APBB1IP: variants seen among roughly 807,000 people sequenced by gnomAD.
APBB1IP encodes amyloid beta precursor protein binding family B member 1 interacting protein.
In APBB1IP, 27 loss-of-function variants were observed where a neutral mutation model predicts 64.9. That is an observed-to-expected ratio of 0.42 (90% CI 0.31 to 0.57). APBB1IP has a LOEUF of 0.57. Ranked by LOEUF, APBB1IP falls within the 20% of genes least tolerant of loss-of-function variation. The probability of loss-of-function intolerance (pLI) is 0.20; values close to 1 mark genes in which losing one functional copy is unlikely to be tolerated. For synonymous variants in APBB1IP, 392 were observed against 331.0 expected (o/e 1.18, Z -2.00); for missense variants, 812 against 845.5 (o/e 0.96, Z 0.49).
At chr10:26,483,092 T>TAAAAAAAA (rs35069320) in intron 2 of APBB1IP, among the ~76,000 whole-genome samples, 1 of 67,140 alleles carries the variant, frequency 1.5e-5, no homozygotes, top group Non-Finnish European at 2.7e-5. Context: ...CTCCATCTGA[T>TAAAAAAAA]AAAAAAAAAA....
At chr10:26,562,161 G>A (rs1836981183) in intron 13 of APBB1IP, 165 bp from the exon 14 acceptor site, 4 of 566,152 alleles carry the variant, frequency 7.1e-6, no homozygotes, top group South Asian at 1.9e-5. Flanking sequence ...ATGCCTGTGA[G>A]TTGCTCTCTT....
At position 26,511,735 on chromosome 10, in the gene APBB1IP, TTC is replaced by T; in HGVS notation, c.532-10_532-9del. 1 of 1,613,972 alleles carries T rather than the reference TTC, an allele frequency of 6.2e-7. No homozygotes were observed. Among genetic ancestry groups the T allele is most frequent in the Non-Finnish European group, 8.5e-7 (1 of 1,179,876 alleles). ...CTGAAATTTACTGGCTGCCCCATGGTTCTATCCTCAGCTCGTCGTCAAGGTGC... is the reference window on the plus strand; with the variant it reads ...CTGAAATTTACTGGCTGCCCCATGGTTATCCTCAGCTCGTCGTCAAGGTGC... On this transcript the variant is annotated splice_polypyrimidine_tract_variant and intron_variant, in intron 6 of 14. Coordinates refer to ENST00000376236, the MANE Select transcript of APBB1IP (RefSeq NM_019043.4).
chr10:26,535,181 TA>T (rs1475177104), intron 9 of APBB1IP, among the ~76,000 whole-genome samples: 1 of 152,170 alleles, frequency 6.6e-6, no homozygotes, highest in East Asian at 1.9e-4. Flanking sequence ...TTTTGAGATT[TA>T]AAAATCTACA....
chr10:26,545,587 C>T (rs1378882202), intron 11 of APBB1IP, among the ~76,000 whole-genome samples: 2 of 151,974 alleles, frequency 1.3e-5, no homozygotes, highest in Non-Finnish European at 2.9e-5. Context: ...GGTGAAACCC[C>T]GTCTCTACTA....
At chr10:26,452,515 TGTAGTTATCTAACTA>T (rs1462276584) in intron 2 of APBB1IP, among the ~76,000 whole-genome samples, 1 of 152,204 alleles carries the variant, frequency 6.6e-6, no homozygotes, top group Non-Finnish European at 1.5e-5. Context: ...CAGAAGACAA[TGTAGTTATCTAACTA>T]TCTAATTTCT....
chr10:26,522,049 C>A (rs946951436), intron 8 of APBB1IP, among the ~76,000 whole-genome samples: 1 of 152,172 alleles, frequency 6.6e-6, no homozygotes, highest in Non-Finnish European at 1.5e-5. Context: ...CTGCACCCAG[C>A]CTACAAGTTT....
intron 2 of APBB1IP, among the ~76,000 whole-genome samples, chr10:26,472,021 TG>T (rs955351906): frequency 9.9e-5 from 15 of 152,090 alleles, no homozygotes; most frequent in African/African-American, 3.6e-4. Flanking sequence ...CAGACTTGAC[TG>T]GGATTTTTAC....
chr10:26,440,001 A>C (rs1160878369), intron 2 of APBB1IP, among the ~76,000 whole-genome samples: 1 of 152,214 alleles, frequency 6.6e-6, no homozygotes, highest in Non-Finnish European at 1.5e-5. Context: ...GAAATACTTT[A>C]TAAAGTCTTC....
Position 26,524,974 on chromosome 10 carries a change from T to TTTTTTTTTTTTTTTTTTTTTTTTTTTTTA in APBB1IP, c.814-8465_814-8464insTTTTTTTTTTTTTTTTTTTTTTTTTTTTA, listed in dbSNP as rs1554778195. The stretch of plus-strand genomic sequence containing the variant: ...TTCTTTCTTTTTTTTTTTTTTTTTT[T>TTTTTTTTTTTTTTTTTTTTTTTTTTTTTA]ATAAAAAAAGGAATCCTGGCAAGAG... On this transcript the variant is annotated intron_variant, in intron 8 of 14. Coordinates refer to ENST00000376236, the MANE Select transcript of APBB1IP (RefSeq NM_019043.4). Among the ~76,000 whole-genome samples the TTTTTTTTTTTTTTTTTTTTTTTTTTTTTA allele has an allele frequency of 5.3e-4, 67 of 126,758 alleles. 5 individuals carry two copies. The highest frequency in any genetic ancestry group is 8.8e-4 in the Non-Finnish European group (51 of 58,162). 83.2% of individuals were successfully genotyped at this position (126,758 alleles called of 152,430 possible). A position where few individuals can be genotyped will look rare whatever the true frequency, so the allele number is the denominator to read the frequency against.
chr10:26,506,250 T>TGGGGG (rs60855722), intron 6 of APBB1IP, among the ~76,000 whole-genome samples: 13 of 62,420 alleles, frequency 2.1e-4, no homozygotes, highest in Admixed American at 3.3e-4. Flanking sequence ...CGTGTGTGTG[T>TGGGGG]GGGGGGGGGG....
At chr10:26,559,622 CT>C (rs368290752) in intron 11 of APBB1IP, among the ~76,000 whole-genome samples, 11,537 of 135,072 alleles carry the variant, frequency 0.085, 600 homozygotes, top group East Asian at 0.23. Flanking sequence ...TTCTTTCTTT[CT>C]TTTTTTTTTT....
chr10:26,534,894 GATT>G (rs980572019), intron 9 of APBB1IP, among the ~76,000 whole-genome samples: 2 of 152,192 alleles, frequency 1.3e-5, no homozygotes, highest in African/African-American at 4.8e-5. Flanking sequence ...GAATTTAAGA[GATT>G]ATTAACAGGA....
intron 11 of APBB1IP, among the ~76,000 whole-genome samples, chr10:26,550,430 T>C (rs1373069576): frequency 1.3e-5 from 2 of 152,164 alleles, no homozygotes; most frequent in Non-Finnish European, 1.5e-5. Context: ...CATGTAATTT[T>C]TTCTTTATTC....
At chr10:26,505,912 C>T (rs1836169584) in intron 6 of APBB1IP, among the ~76,000 whole-genome samples, 1 of 152,144 alleles carries the variant, frequency 6.6e-6, no homozygotes, top group Non-Finnish European at 1.5e-5. Flanking sequence ...AATGAATCCT[C>T]CCAGTGGCCT....
chr10:26,466,606 G>A (rs567742721), intron 2 of APBB1IP, among the ~76,000 whole-genome samples: 145 of 152,252 alleles, frequency 9.5e-4, no homozygotes, highest in Admixed American at 2.3e-3. Flanking sequence ...GTCAAGACCA[G>A]CCTGCGCAAC....
intron 9 of APBB1IP, among the ~76,000 whole-genome samples, chr10:26,535,552 T>G (rs1836610537): frequency 6.6e-6 from 1 of 152,176 alleles, no homozygotes; most frequent in African/African-American, 2.4e-5. Flanking sequence ...TAGGTCTTAT[T>G]CATTCTTTCT....
chr10:26,458,412 GGGAA>G (rs1462592460), intron 2 of APBB1IP, among the ~76,000 whole-genome samples: 4 of 151,506 alleles, frequency 2.6e-5, no homozygotes, highest in Middle Eastern at 3.4e-3. Context: ...GGTAGGAAAA[GGGAA>G]GGAAGGAAGG....
At chr10:26,536,795 CG>C (rs1467139729) in intron 10 of APBB1IP, among the ~76,000 whole-genome samples, 1 of 144,908 alleles carries the variant, frequency 6.9e-6, no homozygotes. Flanking sequence ...TTTGTAGAGA[CG>C]GGGTTTCACC....
chr10:26,495,738 G>T (rs2132433215), intron 3 of APBB1IP, among the ~76,000 whole-genome samples: 1 of 151,132 alleles, frequency 6.6e-6, no homozygotes, highest in South Asian at 2.1e-4. Flanking sequence ...GGTTTGCTTG[G>T]CTAAACAGCC....
Sources: allele counts gnomAD v4.1 joint callset (sites outside exome capture counted in the v4.1 genomes callset), GRCh38; gene constraint gnomAD v4.1.1; transcripts MANE v1.5; gene names NCBI Gene and HGNC (gene_info 2026-07-23, HGNC 2026-07-21).